Variants in ATF6 observed in about 807,000 individuals in gnomAD.
The protein encoded by ATF6 is activating transcription factor 6.
ATF6 carries 53 observed loss-of-function variants against 83.6 expected under a neutral mutation model. The observed-to-expected ratio is 0.63, with a 90% confidence interval of 0.51 to 0.80. The LOEUF (loss-of-function observed/expected upper bound fraction) is 0.80. Among genes scored for constraint, ATF6 ranks in the 30% least tolerant of loss-of-function variants. The pLI is 0.00. For missense variants in ATF6, 744 were observed against 797.9 expected, an observed-to-expected ratio of 0.93 and a Z score of 0.81; for synonymous variants, 288 against 285.8, an observed-to-expected ratio of 1.01 and a Z score of -0.08.
At chr1:161,897,515 C>A (rs1687699591) in intron 14 of ATF6, among the ~76,000 whole-genome samples, 1 of 152,174 alleles carries the variant, frequency 6.6e-6, no homozygotes, top group South Asian at 2.1e-4. Flanking sequence ...AGAACTGCTA[C>A]ATAGATTTGT....
chr1:161,892,884 C>T (rs540847403), intron 14 of ATF6, among the ~76,000 whole-genome samples: 66 of 152,056 alleles, frequency 4.3e-4, no homozygotes, highest in African/African-American at 1.5e-3. Context: ...GTGATCCACC[C>T]GCCTTGGCCT....
intron 14 of ATF6, among the ~76,000 whole-genome samples, chr1:161,875,671 A>T (rs975697381): frequency 6.6e-6 from 1 of 151,872 alleles, no homozygotes; most frequent in African/African-American, 2.4e-5. Flanking sequence ...TATCTGTCAG[A>T]TACCCAAGGC....
chr1:161,832,616 C>T (rs1019065602), intron 9 of ATF6, among the ~76,000 whole-genome samples: 1 of 152,246 alleles, frequency 6.6e-6, no homozygotes, highest in African/African-American at 2.4e-5. Context: ...ATATCCAGCA[C>T]CTGACTTGGA....
chr1:161,791,086 CTGTG>C (rs758372809), intron 4 of ATF6, among the ~76,000 whole-genome samples: 5 of 86,224 alleles, frequency 5.8e-5, no homozygotes, highest in East Asian at 3.0e-4. Context: ...GTGTGTGTCT[CTGTG>C]TGTGTGTGTG....
chr1:161,903,817 C>G (rs1019852826), intron 14 of ATF6, among the ~76,000 whole-genome samples: 2 of 152,160 alleles, frequency 1.3e-5, no homozygotes, highest in South Asian at 4.1e-4. Flanking sequence ...CAGAGTCCAT[C>G]CTTTTAATCT....
At chr1:161,956,482 G>A (rs952594071) in intron 15 of ATF6, among the ~76,000 whole-genome samples, 1 of 152,194 alleles carries the variant, frequency 6.6e-6, no homozygotes, top group African/African-American at 2.4e-5. Context: ...ACCCTTTGAT[G>A]AGAAACATTG....
At chr1:161,812,465 TCAC>T in intron 7 of ATF6, among the ~76,000 whole-genome samples, 1 of 120,958 alleles carries the variant, frequency 8.3e-6, no homozygotes. Context: ...GGATCTCGGC[TCAC>T]TGCAAGCTCC....
chr1:161,845,775 C>CA (rs66887008), intron 9 of ATF6, among the ~76,000 whole-genome samples: 23,596 of 74,344 alleles, frequency 0.32, 5,018 homozygotes, highest in African/African-American at 0.61. Flanking sequence ...GACCCTGTCT[C>CA]AAAAAAAAAA....
chr1:161,912,515 C>T (rs1688011131), intron 15 of ATF6, 135 bp downstream of exon 15: 4 of 479,186 alleles, frequency 8.3e-6, no homozygotes, highest in South Asian at 6.0e-5. Context: ...AACATTTTTC[C>T]ACTGTTTTAT....
intron 13 of ATF6, among the ~76,000 whole-genome samples, chr1:161,862,731 C>G (rs545332746): frequency 6.6e-6 from 1 of 152,232 alleles, no homozygotes. Context: ...AGCAGGAATT[C>G]TAAACCAAGT....
At chr1:161,848,375 A>AT (rs1242336558) in intron 10 of ATF6, among the ~76,000 whole-genome samples, 2 of 151,514 alleles carry the variant, frequency 1.3e-5, no homozygotes, top group African/African-American at 2.4e-5. Flanking sequence ...ATACCTATAC[A>AT]TTTTTTTTAA....
At chr1:161,795,497 A>C (rs1684994364) in intron 6 of ATF6, among the ~76,000 whole-genome samples, 1 of 152,214 alleles carries the variant, frequency 6.6e-6, no homozygotes, top group Non-Finnish European at 1.5e-5. Flanking sequence ...GCCCTAAGTC[A>C]CACACCGATG....
chr1:161,955,244 C>T (rs760724089), intron 15 of ATF6, among the ~76,000 whole-genome samples: 2 of 152,200 alleles, frequency 1.3e-5, no homozygotes, highest in African/African-American at 2.4e-5. Flanking sequence ...CCTTTCCTTC[C>T]TATCTAAGCC....
In ATF6 at chr1:161,877,073, G is replaced by C. The variant is rs530360856; in HGVS notation, c.1719+13761G>C. Among the ~76,000 whole-genome samples the C allele has an allele frequency of 2.0e-5, 3 of 152,080 alleles. No individual in the cohort carries two copies. The East Asian group carries it at 5.8e-4, about 29-fold the overall frequency. On this transcript the variant is annotated intron_variant, in intron 14 of 15. Transcript: ENST00000367942. Reference sequence around the variant, plus strand: ...TCAGTAGTGGAGTCCATATAACTAAGCTCCATAATAATGTGTTTCATAACT... The same window carrying C: ...TCAGTAGTGGAGTCCATATAACTAACCTCCATAATAATGTGTTTCATAACT...
intron 1 of ATF6, among the ~76,000 whole-genome samples, chr1:161,770,514 C>A (rs774291309): frequency 1.3e-5 from 2 of 152,144 alleles, no homozygotes; most frequent in Non-Finnish European, 2.9e-5. Context: ...TTCTTGTGTC[C>A]TCACATGGCA....
chr1:161,953,600 ATC>A (rs1489475372), intron 15 of ATF6, among the ~76,000 whole-genome samples: 2 of 152,124 alleles, frequency 1.3e-5, no homozygotes, highest in Non-Finnish European at 2.9e-5. Flanking sequence ...CCCATCCTGA[ATC>A]TCTCCTGTCA....
intron 14 of ATF6, among the ~76,000 whole-genome samples, chr1:161,889,148 A>G (rs539398184): frequency 2.6e-5 from 4 of 152,346 alleles, no homozygotes; most frequent in African/African-American, 9.6e-5. Context: ...CCTTGTTAGT[A>G]TAGGTATCCT....
At chr1:161,868,004 G>A (rs1444802788) in intron 14 of ATF6, among the ~76,000 whole-genome samples, 1 of 152,214 alleles carries the variant, frequency 6.6e-6, no homozygotes, top group East Asian at 1.9e-4. Flanking sequence ...TGTAAGTTAT[G>A]TGAGATTAAA....
chr1:161,814,713 A>G (rs1685568780), intron 7 of ATF6, among the ~76,000 whole-genome samples: 1 of 152,184 alleles, frequency 6.6e-6, no homozygotes, highest in Non-Finnish European at 1.5e-5. Flanking sequence ...GTGAAAGTCT[A>G]AATTTTCTCT....
Sources: gnomAD v4.1 joint callset for allele counts (sites outside exome capture counted in the v4.1 genomes callset) on GRCh38, gnomAD v4.1.1 for gene constraint, MANE v1.5 for transcripts, NCBI Gene and HGNC (gene_info 2026-07-23, HGNC 2026-07-21) for gene names.